PCBP3: variants seen among roughly 807,000 people sequenced by gnomAD.
PCBP3 encodes the protein poly(rC) binding protein 3, also known as poly(rC)-binding protein 3.
A neutral mutation model predicts 52.7 loss-of-function variants in PCBP3; 25 were observed. The observed-to-expected ratio is 0.47, with a 90% CI of 0.35 to 0.66. PCBP3 has a LOEUF of 0.66. Ranked by LOEUF, PCBP3 falls within the 30% of genes least tolerant of loss-of-function variation. PCBP3 has a pLI of 0.01. For missense variants in PCBP3, 391 were observed against 490.3 expected, an observed-to-expected ratio of 0.80 and a Z score of 1.91; for synonymous variants, 162 against 183.0, an observed-to-expected ratio of 0.89 and a Z score of 0.93.
intron 4 of PCBP3, among the ~76,000 whole-genome samples, chr21:45,815,568 TGAGTGGTGAGTGGTG>T (rs2092897722): frequency 2.3e-5 from 2 of 88,866 alleles, no homozygotes; most frequent in African/African-American, 9.9e-5. Context: ...GAGTGGTGAG[TGAGTGGTGAGTGGTG>T]AGTGAGTGGT....
At chr21:45,678,046 GAAAC>G (rs1170256380) in intron 2 of PCBP3, among the ~76,000 whole-genome samples, 1 of 152,160 alleles carries the variant, frequency 6.6e-6, no homozygotes, top group Non-Finnish European at 1.5e-5. Flanking sequence ...TACTACTTAA[GAAAC>G]ACATTTTGTG....
chr21:45,941,531 C>T (rs2077468949), intron 17 of PCBP3, 139 bp from the exon 18 acceptor site: 2 of 667,918 alleles, frequency 3.0e-6, no homozygotes, highest in Non-Finnish European at 5.1e-6. Context: ...GCTGTGGTCT[C>T]CAGCTCAGGA....
intron 2 of PCBP3, among the ~76,000 whole-genome samples, chr21:45,716,476 T>C (rs1177741875): frequency 6.6e-6 from 1 of 152,170 alleles, no homozygotes; most frequent in Non-Finnish European, 1.5e-5. Context: ...TGTTGGCAGC[T>C]TTGGTTTCTT....
chr21:45,882,049 T>G (rs1215213504), intron 5 of PCBP3, among the ~76,000 whole-genome samples: 1 of 152,224 alleles, frequency 6.6e-6, no homozygotes, highest in Non-Finnish European at 1.5e-5. Flanking sequence ...GTATATGCCC[T>G]GAAGTGAGAC....
At chr21:45,811,522 C>T (rs1005128831) in intron 4 of PCBP3, among the ~76,000 whole-genome samples, 1 of 152,270 alleles carries the variant, frequency 6.6e-6, no homozygotes, top group Non-Finnish European at 1.5e-5. Context: ...ACCTTCATCA[C>T]ATCTGCACAG....
intron 4 of PCBP3, among the ~76,000 whole-genome samples, chr21:45,819,193 G>A (rs2093053903): frequency 6.6e-6 from 1 of 152,152 alleles, no homozygotes; most frequent in Non-Finnish European, 1.5e-5. Context: ...GTTTGGTTGT[G>A]ACTCATGTAC....
At chr21:45,809,602 ACT>A (rs1185040540) in intron 4 of PCBP3, among the ~76,000 whole-genome samples, 1 of 151,942 alleles carries the variant, frequency 6.6e-6, no homozygotes, top group African/African-American at 2.4e-5. Context: ...GCAGGGCTTG[ACT>A]CTCCTAAAAG....
At chr21:45,653,754 C>T (rs575968423) in intron 1 of PCBP3, among the ~76,000 whole-genome samples, 23 of 152,004 alleles carry the variant, frequency 1.5e-4, no homozygotes, top group South Asian at 1.0e-3. Flanking sequence ...TTTAAATTTA[C>T]GATTCTATTA....
chr21:45,769,459 T>C (rs960251907), intron 4 of PCBP3, among the ~76,000 whole-genome samples: 2 of 152,276 alleles, frequency 1.3e-5, no homozygotes, highest in African/African-American at 4.8e-5. Flanking sequence ...TGCGTGCAGC[T>C]GGAGCACCTG....
At chr21:45,906,693 C>T (rs893142070) in intron 9 of PCBP3, among the ~76,000 whole-genome samples, 3 of 152,150 alleles carry the variant, frequency 2.0e-5, no homozygotes, top group African/African-American at 2.4e-5. Flanking sequence ...ACACACTTGC[C>T]GGTGGGCCGA....
chr21:45,863,336 A>G (rs2094578657), intron 5 of PCBP3, among the ~76,000 whole-genome samples: 1 of 152,194 alleles, frequency 6.6e-6, no homozygotes, highest in East Asian at 1.9e-4. Flanking sequence ...AGCAGCAGCA[A>G]AAGCTCGTGT....
At chr21:45,652,293 G>A (rs1027125810) in intron 1 of PCBP3, among the ~76,000 whole-genome samples, 68 of 152,098 alleles carry the variant, frequency 4.5e-4, no homozygotes, top group African/African-American at 1.6e-3. Flanking sequence ...CTAAAGTAAT[G>A]GATGTTTGTG....
At chr21:45,865,568 G>A (rs191930488) in intron 5 of PCBP3, among the ~76,000 whole-genome samples, 75 of 152,308 alleles carry the variant, frequency 4.9e-4, no homozygotes, top group Admixed American at 2.2e-3. Flanking sequence ...ATGCAGCGGC[G>A]TGTCCTCTGG....
At chr21:45,909,070 C>T (rs1401648774) in intron 9 of PCBP3, among the ~76,000 whole-genome samples, 3 of 152,104 alleles carry the variant, frequency 2.0e-5, no homozygotes, top group Admixed American at 6.5e-5. Flanking sequence ...TCTGTCCACA[C>T]CCCCTTCCCA....
intron 13 of PCBP3, among the ~76,000 whole-genome samples, chr21:45,920,363 G>A (rs550872058): frequency 5.9e-5 from 9 of 152,296 alleles, no homozygotes; most frequent in African/African-American, 1.9e-4. Flanking sequence ...TTTGGTGATT[G>A]GCTTTTACTT....
intron 1 of PCBP3, among the ~76,000 whole-genome samples, chr21:45,668,061 G>T (rs942018957): frequency 6.6e-6 from 1 of 152,076 alleles, no homozygotes; most frequent in African/African-American, 2.4e-5. Context: ...GTTTATAAGT[G>T]CCTTAGCCTT....
chr21:45,819,794 C>T (rs2093075549), intron 4 of PCBP3, among the ~76,000 whole-genome samples: 1 of 152,252 alleles, frequency 6.6e-6, no homozygotes, highest in African/African-American at 2.4e-5. Context: ...ACCAGAACGT[C>T]TAGCAGATGG....
intron 5 of PCBP3, among the ~76,000 whole-genome samples, chr21:45,881,175 T>C (rs929997440): frequency 2.6e-5 from 4 of 152,228 alleles, no homozygotes; most frequent in Admixed American, 2.0e-4. Flanking sequence ...TGCATTGATA[T>C]GATTGTGTGC....
At chr21:45,752,067 A>G (rs2087564498) in intron 3 of PCBP3, among the ~76,000 whole-genome samples, 2 of 151,996 alleles carry the variant, frequency 1.3e-5, no homozygotes, top group South Asian at 4.1e-4. Context: ...ATTTTCTTCC[A>G]TTTAGTATTT....
Sources: allele counts gnomAD v4.1 joint callset (sites outside exome capture counted in the v4.1 genomes callset), GRCh38; gene constraint gnomAD v4.1.1; transcripts MANE v1.5; gene names NCBI Gene and HGNC (gene_info 2026-07-23, HGNC 2026-07-21).